The following PRKN variants were observed in gnomAD, a reference collection of about 807,000 sequenced individuals.
The protein encoded by PRKN is E3 ubiquitin-protein ligase parkin.
A neutral mutation model predicts 59.5 loss-of-function variants in PRKN; 56 were observed. The observed-to-expected ratio is 0.94, with a 90% CI of 0.76 to 1.18. PRKN has a LOEUF of 1.18. PRKN is among the 50% of genes most tolerant of loss of function. The pLI is 0.00. For missense variants in PRKN, 657 were observed against 596.4 expected (o/e 1.10, Z -1.06); for synonymous variants, 250 against 222.1 (o/e 1.13, Z -1.12).
rs556549360 is a variant in PRKN at position 162,233,613 on chromosome 6, C to T, written c.412+28912G>A. ...AAATAATTAACGAAAAAATTTTCCA[C>T]TTTTGGGGAAGCCATTTTATTGAAT... On this transcript the variant is annotated intron_variant, in intron 3 of 11. Coordinates refer to ENST00000366898, the MANE Select transcript of PRKN (RefSeq NM_004562.3). Among the ~76,000 whole-genome samples the T allele has an allele frequency of 2.1e-3, 317 of 152,264 alleles. 1 individual carries two copies. The highest frequency in any genetic ancestry group is 7.2e-3 in the African/African-American group (299 of 41,548).
chr6:162,562,379 T>C (rs1779879520), intron 1 of PRKN, among the ~76,000 whole-genome samples: 1 of 152,156 alleles, frequency 6.6e-6, no homozygotes, highest in Non-Finnish European at 1.5e-5. Flanking sequence ...GGGTCCAAAA[T>C]GCCAAGTGTG....
intron 2 of PRKN, among the ~76,000 whole-genome samples, chr6:162,402,819 T>G (rs1015294945): frequency 1.3e-5 from 2 of 152,022 alleles, no homozygotes; most frequent in African/African-American, 4.8e-5. Context: ...ATCTGAGTGA[T>G]TGTTTTTTAG....
chr6:161,844,749 T>C (rs1208638752), intron 6 of PRKN, among the ~76,000 whole-genome samples: 1 of 152,176 alleles, frequency 6.6e-6, no homozygotes. Flanking sequence ...GAAGGGGGTA[T>C]AAGGCAGCAG....
At chr6:161,602,445 ATAAAAG>A in intron 7 of PRKN, among the ~76,000 whole-genome samples, 1 of 152,372 alleles carries the variant, frequency 6.6e-6, no homozygotes, top group South Asian at 2.1e-4. Flanking sequence ...TACTGAGAGT[ATAAAAG>A]TGCTCATTCA....
In PRKN at chr6:161,785,888, T is replaced by A. The variant is rs1790398298; in HGVS notation, c.755A>T (p.Gln252Leu). 6.2e-7 allele frequency: 1 copy of A among 1,614,012 alleles called. No individual in the cohort carries two copies. The highest frequency in any genetic ancestry group is 1.3e-5 in the African/African-American group (1 of 74,928). The change falls in exon 7 of 12, where the codon CAG (glutamine) becomes CTG (leucine). Residue 252 changes from glutamine to leucine, a missense_variant. Coordinates refer to ENST00000366898, the MANE Select transcript of PRKN (RefSeq NM_004562.3). ...TDVRSPVLVF[Q>L]CNSRHVICLD... The stretch of plus-strand genomic sequence containing the variant: ...GCAAATCACGTGGCGGGAGTTGCAC[T>A]GGAAAACCAGGACGGGGCTCCTGCA...
chr6:162,642,862 G>A (rs890335940), intron 1 of PRKN, among the ~76,000 whole-genome samples: 6 of 151,904 alleles, frequency 3.9e-5, no homozygotes, highest in African/African-American at 1.4e-4. Flanking sequence ...GAGATACTCT[G>A]AATTTTCTAA....
At chr6:161,521,398 A>C (rs1366373266) in intron 9 of PRKN, among the ~76,000 whole-genome samples, 1 of 152,240 alleles carries the variant, frequency 6.6e-6, no homozygotes, top group African/African-American at 2.4e-5. Flanking sequence ...CATTGTGTTA[A>C]AGTTCCATGG....
intron 9 of PRKN, among the ~76,000 whole-genome samples, chr6:161,415,696 T>G (rs1787818804): frequency 6.8e-6 from 1 of 147,076 alleles, no homozygotes; most frequent in Admixed American, 7.1e-5. Context: ...TCCTGGAGTC[T>G]GCCCGGCCCC....
chr6:161,572,753 A>G (rs1223280341), intron 7 of PRKN, among the ~76,000 whole-genome samples: 1 of 152,240 alleles, frequency 6.6e-6, no homozygotes, highest in Non-Finnish European at 1.5e-5. Context: ...CTGGTACTGT[A>G]GAGAAGGAAA....
intron 2 of PRKN, among the ~76,000 whole-genome samples, chr6:162,398,102 T>A (rs1321521678): frequency 6.6e-6 from 1 of 150,796 alleles, no homozygotes; most frequent in East Asian, 1.9e-4. Flanking sequence ...AAAAATTCAC[T>A]ATGAATCAAT....
At position 161,447,242 on chromosome 6, in the gene PRKN, G is replaced by A. The variant is rs968578505; in HGVS notation, c.1084-60365C>T. Among the ~76,000 whole-genome samples, 8 of 152,080 alleles carry A rather than the reference G, an allele frequency of 5.3e-5. No homozygotes were observed. The highest frequency in any genetic ancestry group is 3.2e-3 in the Middle Eastern group (1 of 316). ...CTGTTCATTGACCAGCTTTTCCTGC[G>A]TGTCTAAATTCTTCGGTTCTCTCTG... On this transcript the variant is annotated intron_variant, in intron 9 of 11. Transcript: ENST00000366898. The surrounding 1 kb of genome is among the most constrained non-coding windows in gnomAD (Gnocchi z 4.1).
intron 9 of PRKN, among the ~76,000 whole-genome samples, chr6:161,535,430 T>C (rs946370128): frequency 2.0e-5 from 3 of 152,174 alleles, no homozygotes; most frequent in African/African-American, 7.2e-5. Context: ...ACTCTGAGAC[T>C]GCACACAAGT....
intron 7 of PRKN, among the ~76,000 whole-genome samples, chr6:161,698,590 G>A (rs1786120898): frequency 1.3e-5 from 2 of 150,170 alleles, no homozygotes; most frequent in South Asian, 4.2e-4. Context: ...ACAATTATCA[G>A]AATAATGTGG....
intron 11 of PRKN, among the ~76,000 whole-genome samples, chr6:161,351,470 G>C (rs905816223): frequency 1.1e-4 from 16 of 151,576 alleles, no homozygotes; most frequent in African/African-American, 3.6e-4. Flanking sequence ...GATTACAGGC[G>C]CCCACCAACA....
chr6:162,488,716 G>C (rs762583798), intron 1 of PRKN, among the ~76,000 whole-genome samples: 4 of 152,178 alleles, frequency 2.6e-5, no homozygotes, highest in African/African-American at 4.8e-5. Flanking sequence ...AGCACGAGCA[G>C]GCCCACATGG....
rs1340139812 is a variant in PRKN at position 162,556,368 on chromosome 6, T to C, written c.8-112895A>G. 2.4e-4 allele frequency among the ~76,000 whole-genome samples: 24 copies of C among 98,110 alleles called. No homozygotes were observed. The East Asian group carries it at 5.2e-3, about 21-fold the overall frequency. The allele number at this position is 98,110 out of a possible 152,430, so 64.4% of individuals were successfully genotyped here. ...GTGTGTGTGTGTGTGTGTGTGTGTG[T>C]GTGTGTGTGTGTGTGTGTGTGTGTG... is the stretch of plus-strand genomic sequence containing the variant. On this transcript the variant is annotated intron_variant, in intron 1 of 11. Transcript: ENST00000366898.
Position 161,545,338 on chromosome 6 carries a change from C to T in PRKN, c.1083+3516G>A. The T allele has an allele frequency of 1.2e-6, 2 of 1,600,954 alleles. No homozygotes were observed. The highest frequency in any genetic ancestry group is 1.1e-5 in the South Asian group (1 of 89,108). ...TTTCCACATCTGGAACTCTGTAATT[C>T]TTCTATAGCTTTGCTACCAATGACT... On this transcript the variant is annotated intron_variant, in intron 9 of 11. Coordinates refer to ENST00000366898, the MANE Select transcript of PRKN (RefSeq NM_004562.3). This position sits in a 1 kb window ranked among gnomAD's most constrained non-coding sequence, Gnocchi z 4.1.
intron 6 of PRKN, among the ~76,000 whole-genome samples, chr6:161,902,494 G>GGT (rs200898248): frequency 6.7e-6 from 1 of 150,142 alleles, no homozygotes; most frequent in Admixed American, 6.7e-5. Flanking sequence ...TAGAGTCACT[G>GGT]GTGTGTGTGT....
chr6:162,239,020 C>A (rs113894875), intron 3 of PRKN, among the ~76,000 whole-genome samples: 1 of 152,098 alleles, frequency 6.6e-6, no homozygotes, highest in Non-Finnish European at 1.5e-5. Flanking sequence ...GCACAAGTAT[C>A]CAACAAATGA....
Sources: gnomAD v4.1 joint callset for allele counts (sites outside exome capture counted in the v4.1 genomes callset) on GRCh38, gnomAD v4.1.1 for gene constraint, Gnocchi (gnomAD v3.1) non-coding constraint, MANE v1.5 for transcripts, NCBI Gene and HGNC (gene_info 2026-07-23, HGNC 2026-07-21) for gene names.